Variants in KYAT3 observed in about 807,000 individuals in gnomAD.
KYAT3 encodes the protein kynurenine--oxoglutarate transaminase 3.
In KYAT3, 50 loss-of-function variants were observed where a neutral mutation model predicts 59.0. The ratio of observed to expected loss-of-function variants is 0.85; its 90% CI spans 0.68 to 1.07. The LOEUF (loss-of-function observed/expected upper bound fraction) is 1.07. KYAT3 is among the 50% of genes least tolerant of loss of function. KYAT3 has a pLI of 0.00. For synonymous variants in KYAT3, 148 were observed against 177.0 expected, an observed-to-expected ratio of 0.84 and a Z score of 1.30; for missense variants, 497 against 533.3, an observed-to-expected ratio of 0.93 and a Z score of 0.67.
chr1:88,988,324 G>C lies in KYAT3; in HGVS notation c.27C>G (p.Cys9Trp). 1 of 1,613,078 alleles carries C rather than the reference G, an allele frequency of 6.2e-7. No individual in the cohort carries two copies. The highest frequency in any genetic ancestry group is 8.5e-7 in the Non-Finnish European group (1 of 1,179,420). The change falls in exon 2 of 14, where the codon TGC (cysteine) becomes TGG (tryptophan). Residue 9 changes from cysteine to tryptophan, a missense_variant. Transcript: ENST00000260508. ...GGAATTTTGCTCTACCGCTAAGAGA[G>C]CAGAGGCTCCTCTGGGCCAAAAACA... MFLAQRSLCSLSGRAKFLK... is the reference protein window; with the variant it reads MFLAQRSLWSLSGRAKFLK...
intron 2 of KYAT3, among the ~76,000 whole-genome samples, chr1:88,985,654 C>G (rs977588661): frequency 6.6e-6 from 1 of 152,110 alleles, no homozygotes; most frequent in Admixed American, 6.6e-5. Flanking sequence ...ATTTGCTAAG[C>G]AGGAAAATGA....
chr1:88,949,952 GGT>G (rs1675608254), intron 10 of KYAT3, among the ~76,000 whole-genome samples: 1 of 152,270 alleles, frequency 6.6e-6, no homozygotes, highest in South Asian at 2.1e-4. Flanking sequence ...TAAACCCCAA[GGT>G]GATGGTATTA....
chr1:88,956,962 T>TTTA (rs1675946957), intron 8 of KYAT3, among the ~76,000 whole-genome samples: 1 of 152,186 alleles, frequency 6.6e-6, no homozygotes, highest in African/African-American at 2.4e-5. Flanking sequence ...GTATTGTCCT[T>TTTA]AGAGTGTTGG....
intron 13 of KYAT3, among the ~76,000 whole-genome samples, chr1:88,941,843 C>G (rs977028318): frequency 2.0e-5 from 3 of 152,240 alleles, no homozygotes; most frequent in African/African-American, 7.2e-5. Context: ...TACACCTGAC[C>G]TCTGGCTGCC....
At chr1:88,924,318 T>C in the KYAT3 span, among the ~76,000 whole-genome samples, 1 of 152,218 alleles carries the variant, frequency 6.6e-6, no homozygotes, top group Non-Finnish European at 1.5e-5. Context: ...TTATACTCCA[T>C]AGGTCCCTCC....
At chr1:88,987,643 CTT>C (rs926414830) in intron 2 of KYAT3, among the ~76,000 whole-genome samples, 1 of 152,146 alleles carries the variant, frequency 6.6e-6, no homozygotes. Flanking sequence ...GATTTTGCCT[CTT>C]TTTTTCTGTA....
downstream of KYAT3, among the ~76,000 whole-genome samples, chr1:88,935,364 G>A (rs1674995856): frequency 8.9e-6 from 1 of 112,966 alleles, no homozygotes; most frequent in Non-Finnish European, 2.0e-5. Context: ...GAGACAGAGA[G>A]AGAGAGAGAG....
chr1:88,989,298 A>C (rs1338838778), intron 1 of KYAT3, among the ~76,000 whole-genome samples: 1 of 152,178 alleles, frequency 6.6e-6, no homozygotes, highest in Non-Finnish European at 1.5e-5. Flanking sequence ...CATCATGACC[A>C]AGGGGGGTTG....
chr1:88,961,011 A>G (rs565666244), intron 8 of KYAT3, among the ~76,000 whole-genome samples, 156 bp downstream of exon 8: 1 of 152,348 alleles, frequency 6.6e-6, no homozygotes, highest in East Asian at 1.9e-4. Flanking sequence ...TCAATTCACT[A>G]AAGTATTGCT....
intron 2 of KYAT3, among the ~76,000 whole-genome samples, chr1:88,971,048 G>T (rs1212900327): frequency 6.6e-6 from 1 of 152,160 alleles, no homozygotes; most frequent in Non-Finnish European, 1.5e-5. Flanking sequence ...AGAGACAACA[G>T]TTGTACAACT....
Position 88,961,409 on chromosome 1 carries a change from A to G in KYAT3, c.638T>C (p.Leu213Pro). 1.2e-6 allele frequency: 2 copies of G among 1,614,010 alleles called. No homozygotes were observed. Among genetic ancestry groups the G allele is most frequent in the Non-Finnish European group, 1.7e-6 (2 of 1,179,904 alleles). Residue 213 changes from leucine to proline, a missense_variant, in exon 7 of 14, where the codon CTA becomes CCA. By Grantham distance (98) the Leu-to-Pro change is moderately conservative. Coordinates refer to ENST00000260508, the MANE Select transcript of KYAT3 (RefSeq NM_001008661.3). ...GCCAAGTGGGTTATGTGGAGTATTT[A>G]GTATAATAGCTTTGGTTTTGGAATT... is the stretch of plus-strand genomic sequence containing the variant. ...KFNSKTKAII[L>P]NTPHNPLGKV...
At chr1:88,954,059 G>A (rs1228300522) in intron 9 of KYAT3, among the ~76,000 whole-genome samples, 1 of 152,056 alleles carries the variant, frequency 6.6e-6, no homozygotes, top group African/African-American at 2.4e-5. Context: ...GCGCCACCAC[G>A]CCCAGCTAAT....
intron 11 of KYAT3, among the ~76,000 whole-genome samples, chr1:88,946,196 C>T (rs10436919): frequency 0.048 from 7,264 of 152,236 alleles, 524 homozygotes; most frequent in African/African-American, 0.15. Flanking sequence ...TCAAAAACTA[C>T]GCAACTAATT....
At chr1:88,951,024 G>A (rs931026618) in intron 10 of KYAT3, among the ~76,000 whole-genome samples, 1 of 152,082 alleles carries the variant, frequency 6.6e-6, no homozygotes, top group Non-Finnish European at 1.5e-5. Context: ...GGGCCTTTCC[G>A]CTTGTTCTCT....
chr1:88,922,929 G>A, the KYAT3 span, among the ~76,000 whole-genome samples: 2 of 152,312 alleles, frequency 1.3e-5, no homozygotes, highest in African/African-American at 4.8e-5. Flanking sequence ...TGCTGTGTTT[G>A]CTAGAGTAAC....
At chr1:88,932,199 A>G (rs1209629310), downstream of KYAT3, among the ~76,000 whole-genome samples, 3 of 152,240 alleles carry the variant, frequency 2.0e-5, no homozygotes, top group Non-Finnish European at 2.9e-5. Flanking sequence ...AAGAAACCCT[A>G]TGACAACAGT....
At chr1:88,985,591 C>T (rs528454260) in intron 2 of KYAT3, among the ~76,000 whole-genome samples, 3 of 152,278 alleles carry the variant, frequency 2.0e-5, no homozygotes, top group East Asian at 3.9e-4. Context: ...CATCAAAACT[C>T]CTAGTGTGTG....
At chr1:88,937,375 T>C (rs1396501652) in intron 13 of KYAT3, among the ~76,000 whole-genome samples, 5 of 152,130 alleles carry the variant, frequency 3.3e-5, no homozygotes, top group Non-Finnish European at 7.4e-5. Context: ...GGATGCACAG[T>C]GGCTTTGACA....
At chr1:88,966,993 G>T (rs1180118374) in intron 4 of KYAT3, among the ~76,000 whole-genome samples, 1 of 151,748 alleles carries the variant, frequency 6.6e-6, no homozygotes, top group East Asian at 1.9e-4. Context: ...TTAATTTTTG[G>T]ATATTAAAAC....
Sources: gnomAD v4.1 joint callset for allele counts (sites outside exome capture counted in the v4.1 genomes callset) on GRCh38, gnomAD v4.1.1 for gene constraint, MANE v1.5 for transcripts, NCBI Gene and HGNC (gene_info 2026-07-23, HGNC 2026-07-21) for gene names.